Variants in FGGY observed in about 807,000 individuals in gnomAD.
The protein encoded by FGGY is FGGY carbohydrate kinase domain containing.
A neutral mutation model predicts 71.3 loss-of-function variants in FGGY; 72 were observed. The ratio of observed to expected loss-of-function variants is 1.01; its 90% CI spans 0.84 to 1.23. The LOEUF (loss-of-function observed/expected upper bound fraction) is 1.23, where lower values mean the gene tolerates loss of function less well. Ranked by LOEUF, FGGY falls within the 50% of genes most tolerant of loss-of-function variation. The pLI, the probability that FGGY is intolerant of heterozygous loss-of-function variation, is 0.00. For missense variants in FGGY, 668 were observed against 682.3 expected (o/e 0.98, Z 0.23); for synonymous variants, 251 against 250.3 (o/e 1.00, Z -0.02).
intron 10 of FGGY, among the ~76,000 whole-genome samples, chr1:59,631,035 T>G (rs1388529706): frequency 2.0e-5 from 3 of 152,268 alleles, no homozygotes; most frequent in African/African-American, 7.2e-5. Context: ...TGACCTCTAT[T>G]TTGCTAAGTC....
intron 4 of FGGY, among the ~76,000 whole-genome samples, chr1:59,366,368 G>A (rs1445204943): frequency 7.2e-5 from 11 of 152,088 alleles, no homozygotes. Context: ...TCTCGGCAGT[G>A]ACATAAATAT....
chr1:59,421,776 G>T (rs957318290), intron 5 of FGGY, among the ~76,000 whole-genome samples: 2 of 152,116 alleles, frequency 1.3e-5, no homozygotes, highest in Non-Finnish European at 2.9e-5. Context: ...CTTGACCTCT[G>T]AGTAGCCTTC....
intron 6 of FGGY, among the ~76,000 whole-genome samples, chr1:59,458,188 T>C (rs1344890514): frequency 6.6e-6 from 1 of 152,250 alleles, no homozygotes; most frequent in Non-Finnish European, 1.5e-5. Flanking sequence ...AAAAATTAGT[T>C]GTTTTTTGCT....
At chr1:59,695,448 T>C (rs1225936263) in intron 14 of FGGY, among the ~76,000 whole-genome samples, 1 of 152,222 alleles carries the variant, frequency 6.6e-6, no homozygotes, top group Non-Finnish European at 1.5e-5. Flanking sequence ...TGTTGTATCC[T>C]CATGACAACC....
rs551667640 is a variant in FGGY, at chr1:59,650,945, G to A, written c.1222-9274G>A. Among the ~76,000 whole-genome samples, 169 of 151,266 alleles carry A rather than the reference G, an allele frequency of 1.1e-3. 1 individual carries two copies. Among genetic ancestry groups the A allele is most frequent in the African/African-American group, 3.9e-3 (158 of 40,618 alleles). ...GAATGTGTCCCAGAGATTCTGGTACGTTGTGTCTTTGTTCTCGTTGGTTTC... is the reference window on the plus strand; with the variant it reads ...GAATGTGTCCCAGAGATTCTGGTACATTGTGTCTTTGTTCTCGTTGGTTTC... On this transcript the variant is annotated intron_variant, in intron 11 of 15. Transcript: ENST00000303721.
chr1:59,667,214 T>A (rs2097333676), intron 12 of FGGY, 69 bp from the exon 13 acceptor site: 6 of 1,590,648 alleles, frequency 3.8e-6, no homozygotes, highest in Non-Finnish European at 5.2e-6. Flanking sequence ...TGAGTAGACA[T>A]TTAAGAAGTG....
intron 9 of FGGY, among the ~76,000 whole-genome samples, chr1:59,617,915 C>T (rs1367260870): frequency 2.6e-5 from 4 of 152,096 alleles, no homozygotes; most frequent in Non-Finnish European, 5.9e-5. Flanking sequence ...CTGCCTCCTG[C>T]GTCATTGCCA....
intron 11 of FGGY, among the ~76,000 whole-genome samples, chr1:59,646,310 T>A (rs950691881): frequency 6.6e-6 from 1 of 151,920 alleles, no homozygotes; most frequent in Non-Finnish European, 1.5e-5. Context: ...AACACTGATT[T>A]ATTCGGACTT....
chr1:59,553,936 GCT>G (rs2095646625), intron 7 of FGGY, 186 bp from the exon 8 acceptor site: 1 of 452,450 alleles, frequency 2.2e-6, no homozygotes, highest in Non-Finnish European at 4.0e-6. Context: ...ATCTGAGCAG[GCT>G]TCCGAGGTTT....
chr1:59,306,601 C>T (rs1374482440), intron 1 of FGGY, among the ~76,000 whole-genome samples: 19 of 152,130 alleles, frequency 1.2e-4, no homozygotes. Context: ...GGAAAAGAGG[C>T]CTGACCTTAC....
At chr1:59,521,125 A>G (rs1326493762) in intron 7 of FGGY, among the ~76,000 whole-genome samples, 1 of 152,216 alleles carries the variant, frequency 6.6e-6, no homozygotes, top group Non-Finnish European at 1.5e-5. Flanking sequence ...GAGCAAGGAC[A>G]ACTCTGGGAG....
intron 14 of FGGY, among the ~76,000 whole-genome samples, chr1:59,719,850 GT>G (rs2097873534): frequency 6.6e-6 from 1 of 152,136 alleles, no homozygotes; most frequent in Admixed American, 6.5e-5. Context: ...GTTCAGAGAG[GT>G]TATCCCCAAA....
At chr1:59,583,294 A>T (rs1373668452) in intron 8 of FGGY, among the ~76,000 whole-genome samples, 1 of 143,606 alleles carries the variant, frequency 7.0e-6, no homozygotes, top group Non-Finnish European at 1.5e-5. Context: ...TTGGGAAGCT[A>T]TAAGGGTGAT....
chr1:59,623,853 A>G (rs1463201517), intron 9 of FGGY, among the ~76,000 whole-genome samples: 3 of 152,220 alleles, frequency 2.0e-5, no homozygotes, highest in Admixed American at 2.0e-4. Context: ...ATACTAAATA[A>G]CTGCATTCAT....
intron 7 of FGGY, among the ~76,000 whole-genome samples, chr1:59,534,887 G>A (rs1212424625): frequency 2.0e-5 from 3 of 151,984 alleles, no homozygotes; most frequent in African/African-American, 7.3e-5. Context: ...ATGCCAAAAT[G>A]TAAAGACCAT....
intron 1 of FGGY, among the ~76,000 whole-genome samples, chr1:59,311,068 T>C (rs1288015128): frequency 1.3e-5 from 2 of 152,122 alleles, no homozygotes; most frequent in Non-Finnish European, 2.9e-5. Context: ...CTGTATTAAC[T>C]GGATCATGGA....
chr1:59,511,041 A>C (rs2094505819), intron 6 of FGGY, among the ~76,000 whole-genome samples: 3 of 152,238 alleles, frequency 2.0e-5, no homozygotes, highest in Non-Finnish European at 4.4e-5. Flanking sequence ...ACATGTGACT[A>C]GTGGCTGCCA....
At chr1:59,741,938 CAAAA>C (rs11347068) in intron 14 of FGGY, among the ~76,000 whole-genome samples, 2 of 85,208 alleles carry the variant, frequency 2.3e-5, no homozygotes, top group African/African-American at 4.7e-5. Flanking sequence ...GACTCCATCT[CAAAA>C]AAAAAAAAAA....
chr1:59,600,784 C>A (rs1321657871), intron 8 of FGGY, among the ~76,000 whole-genome samples: 1 of 152,100 alleles, frequency 6.6e-6, no homozygotes, highest in East Asian at 1.9e-4. Context: ...AATGACCTAA[C>A]CAGAAATATC....
Sources: gnomAD v4.1 joint callset for allele counts (sites outside exome capture counted in the v4.1 genomes callset) on GRCh38, gnomAD v4.1.1 for gene constraint, MANE v1.5 for transcripts, NCBI Gene and HGNC (gene_info 2026-07-23, HGNC 2026-07-21) for gene names.